Variants in PRMT8 observed in about 807,000 individuals in gnomAD.
PRMT8 encodes protein arginine methyltransferase 8.
PRMT8 carries 7 observed loss-of-function variants against 47.1 expected under a neutral mutation model. That is an observed-to-expected ratio of 0.15 (90% CI 0.08 to 0.28). PRMT8 has a LOEUF of 0.28. Ranked by LOEUF, PRMT8 falls within the 10% of genes least tolerant of loss-of-function variation. PRMT8 has a pLI of 1.00. For synonymous variants in PRMT8, 188 were observed against 186.5 expected (o/e 1.01, Z -0.07); for missense variants, 237 against 505.4 (o/e 0.47, Z 5.09).
chr12:3,588,909 C>T (rs2137236291), intron 8 of PRMT8, among the ~76,000 whole-genome samples: 1 of 152,290 alleles, frequency 6.6e-6, no homozygotes, highest in Non-Finnish European at 1.5e-5. Flanking sequence ...GAAAGCTTTC[C>T]TCCCTGACAA....
At chr12:3,469,983 C>T (rs776537154) in intron 1 of PRMT8, among the ~76,000 whole-genome samples, 1 of 152,184 alleles carries the variant, frequency 6.6e-6, no homozygotes, top group East Asian at 1.9e-4. Context: ...GGTCCCTGCA[C>T]TCTGGGGGGA....
rs556509295 is a variant in PRMT8 at position 3,440,999 on chromosome 12, T to C, written c.48+59557T>C. 3.9e-5 allele frequency among the ~76,000 whole-genome samples: 6 copies of C among 152,286 alleles called. No individual in the cohort carries two copies. The South Asian group carries it at 1.2e-3, about 32-fold the overall frequency. On this transcript the variant is annotated intron_variant, in intron 1 of 9. Transcript: ENST00000452611. ...GTGCCAATTGCGCCCTTGTGAGTTATCTTTTTCAGCTCTGACAATCATTAT... is the reference window on the plus strand; with the variant it reads ...GTGCCAATTGCGCCCTTGTGAGTTACCTTTTTCAGCTCTGACAATCATTAT...
intron 1 of PRMT8, among the ~76,000 whole-genome samples, chr12:3,411,736 A>G (rs950931972): frequency 1.3e-5 from 2 of 152,218 alleles, no homozygotes; most frequent in Non-Finnish European, 1.5e-5. Context: ...TGGTGGCTTA[A>G]TAAGAGGAGA....
Position 3,577,229 on chromosome 12 carries a change from C to T in PRMT8, c.828+243C>T, listed in dbSNP as rs76719332. ...GGCCCCAGCACAGGGGCCCTGGTGGCGTGCAGAAGGGTGGGGGTGCAGGGA... is the reference window on the plus strand; with the variant it reads ...GGCCCCAGCACAGGGGCCCTGGTGGTGTGCAGAAGGGTGGGGGTGCAGGGA... On this transcript the variant is annotated intron_variant, in intron 7 of 9. Transcript: ENST00000382622. Among the ~76,000 whole-genome samples the T allele has an allele frequency of 9.3e-3, 1,413 of 152,210 alleles. 35 individuals carry two copies. The highest frequency in any genetic ancestry group is 0.082 in the East Asian group (423 of 5,170).
chr12:3,584,101 C>T (rs916305542), intron 8 of PRMT8, among the ~76,000 whole-genome samples: 2 of 152,216 alleles, frequency 1.3e-5, no homozygotes, highest in African/African-American at 4.8e-5. Context: ...ACCACACATG[C>T]AGTTCTGGAG....
intron 1 of PRMT8, among the ~76,000 whole-genome samples, chr12:3,471,649 C>T (rs962418686): frequency 5.3e-5 from 8 of 151,700 alleles, no homozygotes; most frequent in African/African-American, 1.9e-4. Context: ...GTTCATGGCT[C>T]TGCTCTGTGT....
intron 1 of PRMT8, among the ~76,000 whole-genome samples, chr12:3,452,358 G>A (rs1864928593): frequency 1.3e-5 from 2 of 151,582 alleles, no homozygotes; most frequent in Non-Finnish European, 2.9e-5. Flanking sequence ...CACCCCACAA[G>A]GAGACCACTT....
chr12:3,587,179 T>G (rs1269489471), intron 8 of PRMT8, among the ~76,000 whole-genome samples: 1 of 148,012 alleles, frequency 6.8e-6, no homozygotes, highest in African/African-American at 2.4e-5. Flanking sequence ...TATATATTAA[T>G]TATATATAAT....
intron 1 of PRMT8, among the ~76,000 whole-genome samples, chr12:3,531,763 C>T (rs896579533): frequency 2.6e-5 from 4 of 152,212 alleles, no homozygotes; most frequent in Admixed American, 6.5e-5. Flanking sequence ...CTGAAGGTGG[C>T]GGCGCCCACA....
intron 4 of PRMT8, among the ~76,000 whole-genome samples, chr12:3,554,484 T>C (rs1235268313): frequency 6.6e-6 from 1 of 152,092 alleles, no homozygotes; most frequent in African/African-American, 2.4e-5. Flanking sequence ...GGGGCTGCAG[T>C]GAGGCCGAGA....
At position 3,448,984 on chromosome 12, in the gene PRMT8, G is replaced by A. The variant is rs187588371; in HGVS notation, c.48+67542G>A. ...CTCCCACTTATAAGTGAGAACACGC[G>A]GTGTTTGGTTTTCTGTTCCTGCATT... On this transcript the variant is annotated intron_variant, in intron 1 of 9. Transcript: ENST00000452611. 5.6e-3 allele frequency among the ~76,000 whole-genome samples: 850 copies of A among 152,258 alleles called. 2 individuals are homozygous for A. The highest frequency in any genetic ancestry group is 1.0e-2 in the Non-Finnish European group (679 of 68,030).
At chr12:3,481,567 G>A (rs1862548116) in intron 1 of PRMT8, among the ~76,000 whole-genome samples, 1 of 152,172 alleles carries the variant, frequency 6.6e-6, no homozygotes, top group African/African-American at 2.4e-5. Flanking sequence ...CCCTGGCATA[G>A]CCCTCGACCA....
rs907238233 is a variant in PRMT8 at position 3,436,675 on chromosome 12, T to A, written c.48+55233T>A. Among the ~76,000 whole-genome samples, 3 of 152,160 alleles carry A rather than the reference T, an allele frequency of 2.0e-5. No homozygotes were observed. Among genetic ancestry groups the A allele is most frequent in the African/African-American group, 7.2e-5 (3 of 41,442 alleles). Reference sequence around the variant, plus strand: ...TAATTGGGTTACGGGGCTGCTAATATGATTGTGCTGCCTGGAAATGCAAAA... The same window carrying A: ...TAATTGGGTTACGGGGCTGCTAATAAGATTGTGCTGCCTGGAAATGCAAAA... On this transcript the variant is annotated intron_variant, in intron 1 of 9. Transcript: ENST00000452611. The surrounding 1 kb of genome is among the most constrained non-coding windows in gnomAD (Gnocchi z 4.2).
In PRMT8 at chr12:3,557,182, AC is replaced by A. The variant is rs536036329; in HGVS notation, c.481+3470del. Among the ~76,000 whole-genome samples the A allele has an allele frequency of 3.7e-4, 56 of 152,062 alleles. No individual in the cohort carries two copies. Among genetic ancestry groups the A allele is most frequent in the Non-Finnish European group, 5.7e-4 (39 of 67,978 alleles). Reference sequence around the variant, plus strand: ...TGTCTGATGCCTGTAGAGATGTGTGACCATAGAGGCTCAGTGAGTCCCATCC... The same window carrying A: ...TGTCTGATGCCTGTAGAGATGTGTGACATAGAGGCTCAGTGAGTCCCATCC... On this transcript the variant is annotated intron_variant, in intron 4 of 9. Transcript: ENST00000382622. The surrounding 1 kb of genome is among the most constrained non-coding windows in gnomAD (Gnocchi z 4.7).
At chr12:3,540,936 T>G in intron 2 of PRMT8, 145 bp downstream of exon 2, 1 of 1,013,266 alleles carries the variant, frequency 9.9e-7, no homozygotes. Context: ...CTTTCTCCAA[T>G]CCGGGGGGCC....
Position 3,552,983 on chromosome 12 carries a change from C to T in PRMT8, c.418-668C>T. On this transcript the variant is annotated intron_variant, in intron 3 of 9. Transcript: ENST00000382622. The surrounding 1 kb of genome is among the most constrained non-coding windows in gnomAD (Gnocchi z 4.5). ...TAACCCTGGGCTGGAGCTTGGCTTCCAACCATTCCCATGAGGGCCTGCTCT... is the reference window on the plus strand; with the variant it reads ...TAACCCTGGGCTGGAGCTTGGCTTCTAACCATTCCCATGAGGGCCTGCTCT... 9.3e-6 allele frequency: 3 copies of T among 322,334 alleles called. No homozygotes were observed. Among genetic ancestry groups the T allele is most frequent in the South Asian group, 7.4e-5 (3 of 40,566 alleles). The allele number at this position is 322,334 out of a possible 1,614,324, so 20.0% of individuals were successfully genotyped here.
chr12:3,492,071 G>A lies in PRMT8; in HGVS notation c.75+371G>A, dbSNP rs1194505468. On this transcript the variant is annotated intron_variant, in intron 1 of 9. Coordinates refer to ENST00000382622, the MANE Select transcript of PRMT8 (RefSeq NM_019854.5). The surrounding 1 kb of genome is among the most constrained non-coding windows in gnomAD (Gnocchi z 7.5). The stretch of plus-strand genomic sequence containing the variant: ...CCTCTGGGCTCCGTGAGGGCTCCCG[G>A]GTCCCGGCTTTGTGCAGAGCTGGGG... Among the ~76,000 whole-genome samples, 1 of 151,948 alleles carries A rather than the reference G, an allele frequency of 6.6e-6. No homozygotes were observed. The highest frequency in any genetic ancestry group is 1.5e-5 in the Non-Finnish European group (1 of 67,970).
chr12:3,579,057 C>G lies in PRMT8; in HGVS notation c.828+2071C>G, dbSNP rs547871484. Among the ~76,000 whole-genome samples the G allele has an allele frequency of 4.6e-5, 7 of 152,284 alleles. No individual in the cohort carries two copies. The South Asian group carries it at 1.5e-3, about 32-fold the overall frequency. On this transcript the variant is annotated intron_variant, in intron 7 of 9. Transcript: ENST00000382622. ...TCTACCAGTCCCTCTGTCCCTGAAG[C>G]CTCTTCCTCCTTGCCATCCTAAACA... is the stretch of plus-strand genomic sequence containing the variant.
At chr12:3,462,046 C>A (rs1865048073) in intron 1 of PRMT8, among the ~76,000 whole-genome samples, 1 of 152,024 alleles carries the variant, frequency 6.6e-6, no homozygotes, top group African/African-American at 2.4e-5. Flanking sequence ...CTCCTCCCAA[C>A]CTCCATTCTC....
Sources: gnomAD v4.1 joint callset for allele counts (sites outside exome capture counted in the v4.1 genomes callset) on GRCh38, gnomAD v4.1.1 for gene constraint, Gnocchi (gnomAD v3.1) non-coding constraint, MANE v1.5 for transcripts, NCBI Gene and HGNC (gene_info 2026-07-23, HGNC 2026-07-21) for gene names.